VWA8: variants seen among roughly 807,000 people sequenced by gnomAD.
The protein encoded by VWA8 is von Willebrand factor A domain containing 8, also known as von Willebrand factor A domain-containing protein 8.
A neutral mutation model predicts 241.5 loss-of-function variants in VWA8; 221 were observed. The ratio of observed to expected loss-of-function variants is 0.91; its 90% confidence interval spans 0.82 to 1.02. VWA8 has a LOEUF of 1.02. Ranked by LOEUF, VWA8 falls within the 50% of genes least tolerant of loss-of-function variation. VWA8 has a pLI of 0.00. For synonymous variants in VWA8, 852 were observed against 827.1 expected (o/e 1.03, Z -0.52); for missense variants, 2,322 against 2,328.7 (o/e 1.00, Z 0.06).
At chr13:41,880,509 C>T (rs567908693) in intron 9 of VWA8, among the ~76,000 whole-genome samples, 2 of 152,304 alleles carry the variant, frequency 1.3e-5, no homozygotes, top group South Asian at 4.1e-4. Context: ...ACCAACAGTG[C>T]CAATATTGTC....
chr13:41,863,472 C>A (rs1217213923), intron 12 of VWA8, among the ~76,000 whole-genome samples: 2 of 136,558 alleles, frequency 1.5e-5, no homozygotes, highest in East Asian at 2.1e-4. Flanking sequence ...CACACACACA[C>A]TATATATATT....
At chr13:41,912,872 T>C (rs1008222961) in intron 2 of VWA8, among the ~76,000 whole-genome samples, 4 of 152,192 alleles carry the variant, frequency 2.6e-5, no homozygotes, top group African/African-American at 9.6e-5. Flanking sequence ...TTCTAAAATG[T>C]TTAAATTAAT....
In VWA8 at chr13:41,587,606, T is replaced by A; in HGVS notation, c.5177A>T (p.Tyr1726Phe). 6.2e-7 allele frequency: 1 copy of A among 1,614,180 alleles called. No homozygotes were observed. Among genetic ancestry groups the A allele is most frequent in the East Asian group, 2.2e-5 (1 of 44,876 alleles). The change falls in exon 42 of 45, where the codon TAC (tyrosine) becomes TTC (phenylalanine). Residue 1726 changes from tyrosine to phenylalanine, a missense_variant. Coordinates refer to ENST00000379310, the MANE Select transcript of VWA8 (RefSeq NM_015058.2). ...CCGGCCATCCATCCTGTTGAAACGG[T>A]ACATGCTACCAGACACATCTACCAC... Reference protein sequence around the residue: ...RLVVDVSGSMYRFNRMDGRLE... With the variant: ...RLVVDVSGSMFRFNRMDGRLE...
chr13:41,756,959 C>T (rs916966156), intron 21 of VWA8, among the ~76,000 whole-genome samples: 2 of 151,666 alleles, frequency 1.3e-5, no homozygotes, highest in Non-Finnish European at 3.0e-5. Context: ...CACTTATCAT[C>T]CTTAAATATA....
intron 17 of VWA8, among the ~76,000 whole-genome samples, chr13:41,789,652 G>A (rs192511232): frequency 6.6e-6 from 1 of 152,282 alleles, no homozygotes; most frequent in East Asian, 1.9e-4. Flanking sequence ...AATAAGATAG[G>A]ACTTCTCAGG....
chr13:41,849,974 A>G (rs947351455), intron 12 of VWA8, among the ~76,000 whole-genome samples: 9 of 152,170 alleles, frequency 5.9e-5, no homozygotes, highest in African/African-American at 2.2e-4. Context: ...CAGCAGGACT[A>G]TGACTTCATT....
chr13:41,651,755 G>A (rs2044870993), intron 37 of VWA8, among the ~76,000 whole-genome samples: 1 of 151,986 alleles, frequency 6.6e-6, no homozygotes, highest in Admixed American at 6.5e-5. Flanking sequence ...TACAGAAAAA[G>A]GTGGTGCAAT....
chr13:41,616,072 G>A (rs1363894320), intron 37 of VWA8, among the ~76,000 whole-genome samples: 11 of 152,194 alleles, frequency 7.2e-5, no homozygotes, highest in Admixed American at 7.2e-4. Flanking sequence ...GCTTACAGTG[G>A]AACAAGAGAG....
intron 42 of VWA8, among the ~76,000 whole-genome samples, chr13:41,579,184 T>C (rs966757194): frequency 6.6e-6 from 1 of 152,214 alleles, no homozygotes; most frequent in Non-Finnish European, 1.5e-5. Flanking sequence ...TACGAGACAA[T>C]CATCTAAGGC....
intron 1 of VWA8, among the ~76,000 whole-genome samples, 167 bp from the exon 2 acceptor site, chr13:41,950,180 A>G (rs17535069): frequency 0.014 from 2,199 of 152,344 alleles, 28 homozygotes; most frequent in Non-Finnish European, 0.024. Flanking sequence ...CAAAGTATAT[A>G]TGTATAAAGG....
chr13:41,696,218 G>C (rs184590962), intron 29 of VWA8: 1 of 152,204 alleles, frequency 6.6e-6, no homozygotes, highest in Admixed American at 6.5e-5. Flanking sequence ...GCTCCTAGGA[G>C]AAAGTAAAAG....
chr13:41,592,954 C>G (rs2044466070), intron 40 of VWA8, among the ~76,000 whole-genome samples: 1 of 152,302 alleles, frequency 6.6e-6, no homozygotes, highest in South Asian at 2.1e-4. Flanking sequence ...GCCGTGTTAG[C>G]TGGTACTATT....
At position 41,770,531 on chromosome 13, in the gene VWA8, GTCTC is replaced by G. The variant is rs1393673175; in HGVS notation, c.2349+7450_2349+7453del. ...AGCCAGATTGTGGGTGGTTCTGAGT[GTCTC>G]TCTATGAAGGGGATTTTATCTGGTA... is the stretch of plus-strand genomic sequence containing the variant. On this transcript the variant is annotated intron_variant, in intron 20 of 44. Coordinates refer to ENST00000379310, the MANE Select transcript of VWA8 (RefSeq NM_015058.2). Among the ~76,000 whole-genome samples the G allele has an allele frequency of 2.0e-5, 3 of 151,918 alleles. No individual in the cohort carries two copies. The East Asian group carries it at 5.8e-4, about 29-fold the overall frequency.
At chr13:41,660,636 G>C (rs2044943219) in intron 37 of VWA8, among the ~76,000 whole-genome samples, 1 of 152,156 alleles carries the variant, frequency 6.6e-6, no homozygotes, top group African/African-American at 2.4e-5. Context: ...TTGTTTAGGG[G>C]TGGTGATGGG....
chr13:41,608,009 G>A (rs1400035174), intron 39 of VWA8, among the ~76,000 whole-genome samples: 1 of 151,948 alleles, frequency 6.6e-6, no homozygotes, highest in Non-Finnish European at 1.5e-5. Context: ...ATGGGTTGTA[G>A]GTGTATACAC....
chr13:41,622,028 C>A (rs1009521702), intron 37 of VWA8, among the ~76,000 whole-genome samples: 6 of 152,130 alleles, frequency 3.9e-5, no homozygotes, highest in African/African-American at 9.7e-5. Flanking sequence ...GTTCCAGGGA[C>A]AATTCCAGGG....
chr13:41,727,961 T>C (rs115943444), intron 23 of VWA8, among the ~76,000 whole-genome samples: 18 of 152,280 alleles, frequency 1.2e-4, no homozygotes, highest in African/African-American at 4.1e-4. Context: ...CTGGCTAGTG[T>C]ACATTTCAGA....
rs577710659 is a variant in VWA8 at position 41,586,731 on chromosome 13, G to C, written c.5271+781C>G. The stretch of plus-strand genomic sequence containing the variant: ...AATCTAAGATCACTGATTTCTGTAG[G>C]ACATGTTTGATCCGTAATAAAATCT... On this transcript the variant is annotated intron_variant, in intron 42 of 44. Transcript: ENST00000379310. Among the ~76,000 whole-genome samples, 191 of 152,266 alleles carry C rather than the reference G, an allele frequency of 1.3e-3. 3 individuals carry two copies. The highest frequency in any genetic ancestry group is 8.2e-4 in the Non-Finnish European group (56 of 68,024).
chr13:41,772,137 G>T (rs902110459), intron 20 of VWA8, among the ~76,000 whole-genome samples: 7 of 151,070 alleles, frequency 4.6e-5, no homozygotes, highest in Non-Finnish European at 8.9e-5. Context: ...TGATCCGCCC[G>T]CCTCGGCCTC....
Sources: gnomAD v4.1 joint callset for allele counts (sites outside exome capture counted in the v4.1 genomes callset) on GRCh38, gnomAD v4.1.1 for gene constraint, MANE v1.5 for transcripts, NCBI Gene and HGNC (gene_info 2026-07-23, HGNC 2026-07-21) for gene names.